The following SIPA1L2 variants were observed in gnomAD, a reference collection of about 807,000 sequenced individuals.
SIPA1L2 encodes the protein signal-induced proliferation-associated 1-like protein 2.
In SIPA1L2, 56 loss-of-function variants were observed where a neutral mutation model predicts 163.9. The ratio of observed to expected loss-of-function variants is 0.34; its 90% CI spans 0.28 to 0.43. The LOEUF (loss-of-function observed/expected upper bound fraction) is 0.43. Ranked by LOEUF, SIPA1L2 falls within the 20% of genes least tolerant of loss-of-function variation. The pLI is 1.00. For missense variants in SIPA1L2, 1,974 were observed against 2,193.5 expected (o/e 0.90, Z 2.00); for synonymous variants, 877 against 865.7 (o/e 1.01, Z -0.23).
chr1:232,512,184 G>T (rs142251516), intron 3 of SIPA1L2, among the ~76,000 whole-genome samples: 1 of 152,100 alleles, frequency 6.6e-6, no homozygotes, highest in Non-Finnish European at 1.5e-5. Flanking sequence ...ACCATCTCAC[G>T]CCAATTAGAA....
At chr1:232,456,661 A>C (rs1343168191) in intron 10 of SIPA1L2, among the ~76,000 whole-genome samples, 1 of 152,190 alleles carries the variant, frequency 6.6e-6, no homozygotes, top group Non-Finnish European at 1.5e-5. Flanking sequence ...TTCAAATGAC[A>C]CTGATAGAAT....
At chr1:232,622,796 A>C (rs138420861) in intron 1 of SIPA1L2, among the ~76,000 whole-genome samples, 178 of 152,362 alleles carry the variant, frequency 1.2e-3, no homozygotes, top group Non-Finnish European at 1.9e-3. Flanking sequence ...ATGAGGTATA[A>C]ACTGTTGTTC....
intron 2 of SIPA1L2, among the ~76,000 whole-genome samples, chr1:232,570,398 G>A (rs908859371): frequency 5.3e-5 from 8 of 152,124 alleles, no homozygotes; most frequent in South Asian, 2.1e-4. Flanking sequence ...CCGTCTCCTC[G>A]GTTCTGACGC....
At chr1:232,517,305 C>T (rs1378684215) in intron 2 of SIPA1L2, among the ~76,000 whole-genome samples, 1 of 151,990 alleles carries the variant, frequency 6.6e-6, no homozygotes, top group East Asian at 1.9e-4. Context: ...ATTGAAATAC[C>T]AGTATCTGTA....
chr1:232,425,516 G>A (rs937873561), intron 18 of SIPA1L2, 73 bp downstream of exon 18: 3 of 1,192,188 alleles, frequency 2.5e-6, no homozygotes, highest in Admixed American at 5.7e-5. Flanking sequence ...CACCCTCAGA[G>A]CTCAATGAGG....
At chr1:232,542,846 G>A (rs745318816) in intron 2 of SIPA1L2, among the ~76,000 whole-genome samples, 4 of 152,142 alleles carry the variant, frequency 2.6e-5, no homozygotes, top group Non-Finnish European at 5.9e-5. Flanking sequence ...CATTCCTTTC[G>A]CTCATATATA....
chr1:232,579,068 T>G (rs1265397314), intron 1 of SIPA1L2, among the ~76,000 whole-genome samples: 1 of 152,166 alleles, frequency 6.6e-6, no homozygotes, highest in Non-Finnish European at 1.5e-5. Context: ...TCCTCACACT[T>G]CATCAGGAAG....
chr1:232,593,557 G>A (rs1363390546), intron 1 of SIPA1L2, among the ~76,000 whole-genome samples: 3 of 151,848 alleles, frequency 2.0e-5, no homozygotes, highest in African/African-American at 4.8e-5. Context: ...CCATCTCCAG[G>A]GTGCTTTTCA....
chr1:232,508,608 G>T (rs547342902), intron 3 of SIPA1L2, among the ~76,000 whole-genome samples: 10 of 152,158 alleles, frequency 6.6e-5, no homozygotes, highest in Non-Finnish European at 1.2e-4. Flanking sequence ...CTATCTAAGG[G>T]ACCCTTTGTC....
intron 1 of SIPA1L2, among the ~76,000 whole-genome samples, chr1:232,605,418 G>C (rs1370221186): frequency 2.0e-5 from 3 of 152,220 alleles, no homozygotes; most frequent in Non-Finnish European, 2.9e-5. Context: ...CTCCCAGCTG[G>C]GTGTGGTGGC....
At chr1:232,400,203 A>G (rs934436916) in intron 22 of SIPA1L2, among the ~76,000 whole-genome samples, 3 of 151,196 alleles carry the variant, frequency 2.0e-5, no homozygotes, top group Non-Finnish European at 4.4e-5. Flanking sequence ...GACTCACTTC[A>G]CTCTAAGAAG....
intron 2 of SIPA1L2, among the ~76,000 whole-genome samples, chr1:232,567,665 T>C (rs1207321345): frequency 4.6e-5 from 7 of 152,182 alleles, no homozygotes; most frequent in Non-Finnish European, 8.8e-5. Context: ...AAATATATAT[T>C]TGAACTTCAA....
chr1:232,409,528 CT>C (rs759592675), intron 19 of SIPA1L2, among the ~76,000 whole-genome samples: 15 of 152,170 alleles, frequency 9.9e-5, no homozygotes, highest in Non-Finnish European at 1.9e-4. Context: ...CTACTTTGGC[CT>C]AAATAGAACG....
intron 10 of SIPA1L2, among the ~76,000 whole-genome samples, chr1:232,449,617 AG>A (rs1663446282): frequency 6.8e-6 from 1 of 147,440 alleles, no homozygotes; most frequent in Non-Finnish European, 1.5e-5. Context: ...GGAAAAAAAA[AG>A]GGGGAGAAAA....
intron 5 of SIPA1L2, among the ~76,000 whole-genome samples, chr1:232,487,531 T>C (rs1341915249): frequency 5.3e-5 from 8 of 152,212 alleles, no homozygotes; most frequent in Admixed American, 6.5e-5. Context: ...TATTCTAAGA[T>C]AGTGAGCTGT....
At chr1:232,536,321 G>A (rs1657302746) in intron 2 of SIPA1L2, among the ~76,000 whole-genome samples, 1 of 152,232 alleles carries the variant, frequency 6.6e-6, no homozygotes, top group African/African-American at 2.4e-5. Context: ...TCTGGTGTAT[G>A]TAGATGGTTT....
intron 3 of SIPA1L2, among the ~76,000 whole-genome samples, chr1:232,504,570 C>G (rs1287847315): frequency 6.6e-6 from 1 of 151,932 alleles, no homozygotes; most frequent in African/African-American, 2.4e-5. Context: ...AACTCAACAA[C>G]CTCAAGAAGT....
intron 1 of SIPA1L2, among the ~76,000 whole-genome samples, chr1:232,626,763 T>C (rs1216459552): frequency 6.6e-6 from 1 of 152,142 alleles, no homozygotes; most frequent in Non-Finnish European, 1.5e-5. Flanking sequence ...ATGAAAAATA[T>C]AAACATCCCA....
chr1:232,448,865 C>T (rs374673189), intron 10 of SIPA1L2, among the ~76,000 whole-genome samples: 2 of 152,138 alleles, frequency 1.3e-5, no homozygotes, highest in African/African-American at 2.4e-5. Flanking sequence ...CCTACCACTG[C>T]GGGACAACAG....
Sources: gnomAD v4.1 joint callset for allele counts (sites outside exome capture counted in the v4.1 genomes callset) on GRCh38, gnomAD v4.1.1 for gene constraint, MANE v1.5 for transcripts, NCBI Gene and HGNC (gene_info 2026-07-23, HGNC 2026-07-21) for gene names.